GAS7: variants seen among roughly 807,000 people sequenced by gnomAD.
GAS7 encodes growth arrest-specific protein 7.
In GAS7, 28 loss-of-function variants were observed where a neutral mutation model predicts 71.1. That is an observed-to-expected ratio of 0.39 (90% CI 0.29 to 0.54). GAS7 has a LOEUF of 0.54. Ranked by LOEUF, GAS7 falls within the 20% of genes least tolerant of loss-of-function variation. GAS7 has a pLI of 0.62. For missense variants in GAS7, 436 were observed against 627.8 expected (o/e 0.69, Z 3.27); for synonymous variants, 258 against 245.8 (o/e 1.05, Z -0.46).
chr17:10,011,349 AG>A (rs2071765128), intron 2 of GAS7, among the ~76,000 whole-genome samples: 1 of 152,212 alleles, frequency 6.6e-6, no homozygotes, highest in African/African-American at 2.4e-5. Context: ...CCAAATGTGT[AG>A]GGAAATAGCT....
chr17:10,020,049 CG>C, intron 1 of GAS7, 152 bp from the exon 2 acceptor site: 1 of 682,520 alleles, frequency 1.5e-6, no homozygotes, highest in East Asian at 2.6e-5. Flanking sequence ...GCAGCACACA[CG>C]TGACCTCCGG....
intron 13 of GAS7, 129 bp downstream of exon 13, chr17:9,917,872 G>A: frequency 1.5e-6 from 1 of 653,872 alleles, no homozygotes; most frequent in Non-Finnish European, 2.7e-6. Context: ...CCAGGCCAGA[G>A]CACCTGCCCA....
chr17:10,166,264 C>A (rs950799367), intron 1 of GAS7, among the ~76,000 whole-genome samples: 5 of 152,086 alleles, frequency 3.3e-5, no homozygotes, highest in Admixed American at 6.6e-5. Flanking sequence ...CCTAAGCAAT[C>A]CTACCACTTC....
chr17:9,936,269 C>T (rs1597482754), intron 8 of GAS7, among the ~76,000 whole-genome samples: 1 of 152,174 alleles, frequency 6.6e-6, no homozygotes, highest in East Asian at 1.9e-4. Context: ...CTGAGCCACA[C>T]ACAGCAGCCT....
chr17:9,965,998 T>TA (rs2069695992), intron 4 of GAS7, among the ~76,000 whole-genome samples: 3 of 107,812 alleles, frequency 2.8e-5, no homozygotes, highest in African/African-American at 4.9e-5. Flanking sequence ...CCCAAAATTC[T>TA]TTTTTTTTTT....
At chr17:9,978,320 A>T (rs1002416522) in intron 3 of GAS7, among the ~76,000 whole-genome samples, 4 of 150,328 alleles carry the variant, frequency 2.7e-5, no homozygotes, top group African/African-American at 9.8e-5. Flanking sequence ...TGGCAAGGAG[A>T]AACATGCCCA....
chr17:10,056,059 T>C (rs566981797), intron 1 of GAS7, among the ~76,000 whole-genome samples: 3 of 152,322 alleles, frequency 2.0e-5, no homozygotes, highest in South Asian at 2.1e-4. Flanking sequence ...ATGATAGTCA[T>C]ATAATTTTTC....
rs117305871 is a variant in GAS7 at position 9,963,240 on chromosome 17, T to C, written c.472-3985A>G. ...GCCAGACACAAAAGACCACAGATAG[T>C]ATGATACCATTTATATGAAATGTCC... On this transcript the variant is annotated intron_variant, in intron 4 of 13. Coordinates refer to ENST00000432992, the MANE Select transcript of GAS7 (RefSeq NM_201433.2). 9.7e-3 allele frequency among the ~76,000 whole-genome samples: 1,477 copies of C among 152,176 alleles called. 13 individuals carry two copies. The highest frequency in any genetic ancestry group is 0.013 in the Non-Finnish European group (902 of 68,016).
intron 2 of GAS7, among the ~76,000 whole-genome samples, chr17:10,005,356 T>C (rs1244432474): frequency 6.6e-6 from 1 of 151,116 alleles, no homozygotes; most frequent in East Asian, 2.0e-4. Context: ...CATATATATA[T>C]ATATCTTCCT....
intron 8 of GAS7, among the ~76,000 whole-genome samples, chr17:9,937,563 C>T (rs1348587900): frequency 6.6e-6 from 1 of 152,248 alleles, no homozygotes; most frequent in Admixed American, 6.5e-5. Context: ...GCTGGTCTTG[C>T]TGGGCCGCCC....
chr17:10,169,319 A>G (rs944467272), intron 1 of GAS7, among the ~76,000 whole-genome samples: 14 of 152,190 alleles, frequency 9.2e-5, no homozygotes, highest in African/African-American at 3.4e-4. Flanking sequence ...ACTCAGCACA[A>G]TGTAAAACCT....
intron 1 of GAS7, among the ~76,000 whole-genome samples, chr17:10,104,215 T>C (rs999566476): frequency 6.6e-6 from 1 of 152,154 alleles, no homozygotes; most frequent in African/African-American, 2.4e-5. Flanking sequence ...GACCTCCATG[T>C]TGTCACCAAA....
Position 9,915,819 on chromosome 17 carries a change from G to C in GAS7, c.*1409C>G. On this transcript the variant is annotated 3_prime_UTR_variant, in exon 14 of 14. Coordinates refer to ENST00000432992, the MANE Select transcript of GAS7 (RefSeq NM_201433.2). Reference sequence around the variant, plus strand: ...TCTGCCCCTCGCTCATGCTTCTCCCGGCCCCTTTAGACTCTTTAGACTGAC... The same window carrying C: ...TCTGCCCCTCGCTCATGCTTCTCCCCGCCCCTTTAGACTCTTTAGACTGAC... The C allele has an allele frequency of 4.3e-6, 1 of 230,968 alleles. No homozygotes were observed. Among genetic ancestry groups the C allele is most frequent in the Non-Finnish European group, 8.6e-6 (1 of 116,604 alleles). 14.3% of individuals were successfully genotyped at this position (230,968 alleles called of 1,614,324 possible). A position where few individuals can be genotyped will look rare whatever the true frequency, so the allele number is the denominator to read the frequency against.
chr17:10,026,451 G>A lies in GAS7; in HGVS notation c.184-6554C>T, dbSNP rs1375718602. The A allele has an allele frequency of 4.7e-6, 1 of 212,240 alleles. No homozygotes were observed. Among genetic ancestry groups the A allele is most frequent in the Non-Finnish European group, 8.1e-6 (1 of 123,096 alleles). The allele number at this position is 212,240 out of a possible 1,614,324, so 13.1% of individuals were successfully genotyped here. ...TGAGCCCAGTGCCGTGATTGGCACT[G>A]CTTGAAGGCTCCTCCACAAAGGACT... On this transcript the variant is annotated intron_variant, in intron 1 of 13. Coordinates refer to ENST00000432992, the MANE Select transcript of GAS7 (RefSeq NM_201433.2). This position sits in a 1 kb window ranked among gnomAD's most constrained non-coding sequence, Gnocchi z 4.5.
At chr17:9,988,993 A>G (rs529074571) in intron 2 of GAS7, among the ~76,000 whole-genome samples, 3 of 151,636 alleles carry the variant, frequency 2.0e-5, no homozygotes, top group Admixed American at 6.6e-5. Context: ...GGACTACAGG[A>G]GCCTGCCACC....
chr17:10,181,087 C>A (rs1389378263), intron 1 of GAS7, among the ~76,000 whole-genome samples: 1 of 145,822 alleles, frequency 6.9e-6, no homozygotes, highest in Non-Finnish European at 1.5e-5. Flanking sequence ...GCGGTGGGGG[C>A]ACGGTGGCTC....
At chr17:10,005,173 G>A (rs201553399) in intron 2 of GAS7, among the ~76,000 whole-genome samples, 109 of 94,078 alleles carry the variant, frequency 1.2e-3, no homozygotes, top group African/African-American at 8.2e-3. Context: ...GCGCACGCAT[G>A]CATGTATGTG....
At chr17:10,101,642 G>A (rs754829640) in intron 1 of GAS7, among the ~76,000 whole-genome samples, 1 of 152,166 alleles carries the variant, frequency 6.6e-6, no homozygotes, top group East Asian at 1.9e-4. Flanking sequence ...TGTGACTGTC[G>A]CTCAGCTGGT....
chr17:9,984,492 A>T (rs2070559126), intron 2 of GAS7, among the ~76,000 whole-genome samples: 1 of 152,174 alleles, frequency 6.6e-6, no homozygotes, highest in Non-Finnish European at 1.5e-5. Context: ...AGGGTCTTTT[A>T]TGAGGAGTGA....
Sources: gnomAD v4.1 joint callset for allele counts (sites outside exome capture counted in the v4.1 genomes callset) on GRCh38, gnomAD v4.1.1 for gene constraint, Gnocchi (gnomAD v3.1) non-coding constraint, MANE v1.5 for transcripts, NCBI Gene and HGNC (gene_info 2026-07-23, HGNC 2026-07-21) for gene names.